Variants in NRG1 observed in about 807,000 individuals in gnomAD.
NRG1 encodes the protein neuregulin 1.
A neutral mutation model predicts 63.8 loss-of-function variants in NRG1; 18 were observed. The ratio of observed to expected loss-of-function variants is 0.28; its 90% CI spans 0.19 to 0.42. The LOEUF (loss-of-function observed/expected upper bound fraction) is 0.42, where lower values mean the gene tolerates loss of function less well. Ranked by LOEUF, NRG1 falls within the 10% of genes least tolerant of loss-of-function variation. NRG1 has a pLI of 1.00. For synonymous variants in NRG1, 302 were observed against 301.3 expected, an observed-to-expected ratio of 1.00 and a Z score of -0.02; for missense variants, 762 against 814.7, an observed-to-expected ratio of 0.94 and a Z score of 0.79.
At chr8:32,654,690 G>A (rs1291655906) in intron 5 of NRG1, among the ~76,000 whole-genome samples, 2 of 79,222 alleles carry the variant, frequency 2.5e-5, no homozygotes, top group African/African-American at 8.8e-5. Context: ...CCGGAGGCTG[G>A]ACATCTGTCT....
chr8:32,292,084 A>G (rs1854272183), intron 1 of NRG1, among the ~76,000 whole-genome samples: 1 of 152,208 alleles, frequency 6.6e-6, no homozygotes, highest in Admixed American at 6.5e-5. Flanking sequence ...ATTTACAGGA[A>G]GAAGACCAGA....
At chr8:32,082,309 G>T (rs1827582379) in intron 1 of NRG1, among the ~76,000 whole-genome samples, 1 of 151,712 alleles carries the variant, frequency 6.6e-6, no homozygotes, top group Admixed American at 6.6e-5. Flanking sequence ...TCATCACCCA[G>T]GGATTAAGCC....
At chr8:31,874,879 T>A (rs1260460934) in intron 1 of NRG1, among the ~76,000 whole-genome samples, 1 of 152,118 alleles carries the variant, frequency 6.6e-6, no homozygotes, top group Non-Finnish European at 1.5e-5. Context: ...TTGTGATGAA[T>A]CAGATGTCAT....
intron 5 of NRG1, among the ~76,000 whole-genome samples, chr8:32,628,836 G>A (rs570726575): frequency 4.0e-5 from 6 of 151,098 alleles, no homozygotes; most frequent in Non-Finnish European, 5.9e-5. Context: ...CGGTTCAAGC[G>A]ATTCTCCTGC....
chr8:32,653,547 G>A (rs1175109937), intron 5 of NRG1, among the ~76,000 whole-genome samples: 1 of 152,084 alleles, frequency 6.6e-6, no homozygotes, highest in Non-Finnish European at 1.5e-5. Flanking sequence ...TCAAACCATT[G>A]GAGTAGTGAG....
chr8:31,792,506 AT>A (rs570674318), intron 1 of NRG1, among the ~76,000 whole-genome samples: 2 of 152,260 alleles, frequency 1.3e-5, no homozygotes, highest in Non-Finnish European at 2.9e-5. Context: ...TGGTTTTAGA[AT>A]TGGAAAAGTT....
intron 1 of NRG1, among the ~76,000 whole-genome samples, chr8:31,709,932 T>C (rs1187894974): frequency 2.6e-5 from 4 of 151,774 alleles, no homozygotes; most frequent in Non-Finnish European, 5.9e-5. Context: ...TCCATAAATA[T>C]TAACTACCCT....
chr8:31,716,871 G>T (rs1812399539), intron 1 of NRG1, among the ~76,000 whole-genome samples: 1 of 152,202 alleles, frequency 6.6e-6, no homozygotes, highest in East Asian at 1.9e-4. Flanking sequence ...ACTATGTCTG[G>T]TATGTATTCA....
At chr8:32,139,724 G>A (rs915099215) in intron 1 of NRG1, among the ~76,000 whole-genome samples, 6 of 152,078 alleles carry the variant, frequency 3.9e-5, no homozygotes, top group African/African-American at 1.2e-4. Flanking sequence ...ACTTACCCAC[G>A]TAACCGAAAA....
At chr8:31,832,416 T>A (rs567360098) in intron 1 of NRG1, among the ~76,000 whole-genome samples, 2 of 152,144 alleles carry the variant, frequency 1.3e-5, no homozygotes, top group South Asian at 4.2e-4. Context: ...TGTGCCACTA[T>A]GCCCAGTAAA....
intron 1 of NRG1, among the ~76,000 whole-genome samples, chr8:32,387,962 T>G (rs1293048479): frequency 1.3e-5 from 2 of 152,194 alleles, no homozygotes; most frequent in African/African-American, 4.8e-5. Flanking sequence ...CTCCTCAAGC[T>G]TGTTACGATT....
chr8:31,868,764 C>A (rs576395978), intron 1 of NRG1, among the ~76,000 whole-genome samples: 2 of 152,314 alleles, frequency 1.3e-5, no homozygotes, highest in East Asian at 3.9e-4. Context: ...ATATGATTGT[C>A]ATTGACATTA....
intron 1 of NRG1, among the ~76,000 whole-genome samples, chr8:32,003,533 A>G (rs1305213868): frequency 6.6e-6 from 1 of 152,072 alleles, no homozygotes; most frequent in African/African-American, 2.4e-5. Context: ...TATAGAAATG[A>G]TAGAAAAAGT....
intron 1 of NRG1, among the ~76,000 whole-genome samples, chr8:31,844,887 T>C (rs967411359): frequency 2.6e-5 from 4 of 151,650 alleles, no homozygotes; most frequent in Admixed American, 1.3e-4. Flanking sequence ...TTTGGGAGGA[T>C]CATGAGGTCA....
At chr8:32,558,133 G>C (rs1177006849) in intron 1 of NRG1, among the ~76,000 whole-genome samples, 1 of 152,202 alleles carries the variant, frequency 6.6e-6, no homozygotes, top group Non-Finnish European at 1.5e-5. Flanking sequence ...AGCTAAGGGA[G>C]AGCGTAGAGT....
chr8:32,162,257 C>A (rs752561342), intron 1 of NRG1, among the ~76,000 whole-genome samples: 16 of 152,256 alleles, frequency 1.1e-4, no homozygotes, highest in Non-Finnish European at 2.4e-4. Context: ...TTTTATCTAT[C>A]ATGATGGAAT....
chr8:32,652,944 A>G (rs1227019623), intron 5 of NRG1, among the ~76,000 whole-genome samples: 1 of 152,226 alleles, frequency 6.6e-6, no homozygotes. Context: ...ACCAAAGCAT[A>G]AAAAGTTATG....
In NRG1 at chr8:32,341,640, T is replaced by C. The variant is rs1012036073; in HGVS notation, c.38-254188T>C. ...CATAGGCACAGGCAGGGGAGCTGGCTGATCTCATTTGTTTGTTTTCCGTGT... is the reference window on the plus strand; with the variant it reads ...CATAGGCACAGGCAGGGGAGCTGGCCGATCTCATTTGTTTGTTTTCCGTGT... On this transcript the variant is annotated intron_variant, in intron 1 of 10. Coordinates refer to the NRG1 transcript ENST00000519301. 2.4e-4 allele frequency among the ~76,000 whole-genome samples: 36 copies of C among 152,182 alleles called. 1 individual carries two copies. Among genetic ancestry groups the C allele is most frequent in the Non-Finnish European group, 1.5e-5 (1 of 68,028 alleles).
At chr8:32,352,439 G>T in intron 1 of NRG1, among the ~76,000 whole-genome samples, 1 of 151,210 alleles carries the variant, frequency 6.6e-6, no homozygotes, top group Non-Finnish European at 1.5e-5. Flanking sequence ...GTATAAATCT[G>T]GTTGGCAATG....
Sources: allele counts gnomAD v4.1 joint callset (sites outside exome capture counted in the v4.1 genomes callset), GRCh38; gene constraint gnomAD v4.1.1; transcripts MANE v1.5; gene names NCBI Gene and HGNC (gene_info 2026-07-23, HGNC 2026-07-21).